The following FOXK2 variants were observed in gnomAD, a reference collection of about 807,000 sequenced individuals.
The protein encoded by FOXK2 is forkhead box K2, also known as forkhead box protein K2.
FOXK2 carries 24 observed loss-of-function variants against 53.3 expected under a neutral mutation model. That is an observed-to-expected ratio of 0.45 (90% CI 0.33 to 0.63). The LOEUF is 0.63. FOXK2 is among the 30% of genes least tolerant of loss of function. The pLI, the probability that FOXK2 is intolerant of heterozygous loss-of-function variation, is 0.03. For synonymous variants in FOXK2, 505 were observed against 407.1 expected (o/e 1.24, Z -2.89); for missense variants, 952 against 910.5 (o/e 1.05, Z -0.59).
intron 7 of FOXK2, among the ~76,000 whole-genome samples, chr17:82,586,554 G>A (rs1225854362): frequency 1.3e-5 from 2 of 151,240 alleles, no homozygotes; most frequent in East Asian, 1.9e-4. Flanking sequence ...TAGGCGGAGG[G>A]GAAAGGAGGA....
chr17:82,586,017 C>T lies in FOXK2; in HGVS notation c.1393C>T (p.Pro465Ser), dbSNP rs1471794219. The T allele has an allele frequency of 4.3e-6, 7 of 1,612,826 alleles. No individual in the cohort carries two copies. The East Asian group carries it at 1.6e-4, about 36-fold the overall frequency. The stretch of plus-strand genomic sequence containing the variant: ...CCCAGTGACCACCTCGACCTCCCAG[C>T]CACCCGTCGTGCAGACGGTTCACGT... ...ATPVTTSTSQ[P>S]PVVQTVHVVH... Residue 465 changes from proline (P) to serine (S), a missense_variant, in exon 7 of 9, where the codon CCA becomes TCA. Physicochemically the swap from Pro to Ser is moderately conservative, Grantham distance 74. Coordinates refer to ENST00000335255, the MANE Select transcript of FOXK2 (RefSeq NM_004514.4).
At position 82,554,738 on chromosome 17, in the gene FOXK2, G is replaced by GTT. The variant is rs78786521; in HGVS notation, c.420-8603_420-8602dup. ...TACAAATCTTGCAGAATCCAGTGAG[G>GTT]TTTTTTTTTTTTTTCTTTTTTTCCA... On this transcript the variant is annotated intron_variant, in intron 1 of 8. Coordinates refer to ENST00000335255, the MANE Select transcript of FOXK2 (RefSeq NM_004514.4). Among the ~76,000 whole-genome samples the GTT allele has an allele frequency of 3.9e-3, 566 of 145,008 alleles. 2 individuals carry two copies. The highest frequency in any genetic ancestry group is 0.028 in the East Asian group (137 of 4,940).
chr17:82,525,985 T>TCTTATGTGGCCTGAATCCCACA (rs2044415171), intron 1 of FOXK2, among the ~76,000 whole-genome samples: 2 of 152,238 alleles, frequency 1.3e-5, no homozygotes, highest in Non-Finnish European at 2.9e-5. Flanking sequence ...TCCCACACTT[T>TCTTATGTGGCCTGAATCCCACA]CTTATGTGGC....
chr17:82,585,980 C>T lies in FOXK2; in HGVS notation c.1356C>T (p.Tyr452=), dbSNP rs2045135300. ...QLPQAIKPVT[Y]TVATPVTTST... is the part of the protein sequence containing the mutation. Reference sequence around the variant, plus strand: ...CACAGGCCATCAAGCCTGTCACCTACACTGTGGCCACCCCAGTGACCACCT... The same window carrying T: ...CACAGGCCATCAAGCCTGTCACCTATACTGTGGCCACCCCAGTGACCACCT... Residue 452 remains tyrosine (Y), a synonymous_variant, in exon 7 of 9, where the codon TAC becomes TAT. Transcript: ENST00000335255. The T allele has an allele frequency of 6.2e-7, 1 of 1,612,834 alleles. No homozygotes were observed. Among genetic ancestry groups the T allele is most frequent in the Non-Finnish European group, 8.5e-7 (1 of 1,179,974 alleles).
At chr17:82,562,808 C>CTT (rs1260657668) in intron 1 of FOXK2, among the ~76,000 whole-genome samples, 2 of 142,094 alleles carry the variant, frequency 1.4e-5, no homozygotes, top group Non-Finnish European at 3.1e-5. Flanking sequence ...TGAGTCTATG[C>CTT]TTTTTTTTTT....
At chr17:82,557,697 A>G (rs2044746205) in intron 1 of FOXK2, among the ~76,000 whole-genome samples, 1 of 151,708 alleles carries the variant, frequency 6.6e-6, no homozygotes, top group African/African-American at 2.4e-5. Flanking sequence ...TGTCCAGGCT[A>G]GAGTGCAGTG....
At position 82,586,012 on chromosome 17, in the gene FOXK2, C is replaced by T; in HGVS notation, c.1388C>T (p.Ser463Phe). 1 of 1,612,832 alleles carries T rather than the reference C, an allele frequency of 6.2e-7. No individual in the cohort carries two copies. The highest frequency in any genetic ancestry group is 8.5e-7 in the Non-Finnish European group (1 of 1,179,986). The change falls in exon 7 of 9, where the codon TCC becomes TTC. Residue 463 changes from serine (S) to phenylalanine (F), a missense_variant. Around this residue, in one of 5 missense-constraint regions of FOXK2, gnomAD observed 551 missense variants for 385.1 expected, o/e 1.43. Transcript: ENST00000335255. ...TVATPVTTST[S>F]QPPVVQTVHV... Reference sequence around the variant, plus strand: ...GCCACCCCAGTGACCACCTCGACCTCCCAGCCACCCGTCGTGCAGACGGTT... The same window carrying T: ...GCCACCCCAGTGACCACCTCGACCTTCCAGCCACCCGTCGTGCAGACGGTT...
At chr17:82,587,781 C>T (rs1036013657) in intron 8 of FOXK2, among the ~76,000 whole-genome samples, 2 of 152,184 alleles carry the variant, frequency 1.3e-5, no homozygotes, top group Non-Finnish European at 2.9e-5. Flanking sequence ...TATCTACCTT[C>T]GCCCTGCCCT....
rs1366959189 is a variant in FOXK2 at position 82,604,235 on chromosome 17, G to A, written c.*2736G>A. ...CCCTGAACCAAACGAGAAAACAAAA[G>A]GGAACTCCCGTATGACCCACGTCAC... On this transcript the variant is annotated 3_prime_UTR_variant, in exon 9 of 9. Coordinates refer to ENST00000335255, the MANE Select transcript of FOXK2 (RefSeq NM_004514.4). The A allele has an allele frequency of 1.3e-5, 2 of 152,234 alleles. No homozygotes were observed. Among genetic ancestry groups the A allele is most frequent in the African/African-American group, 4.8e-5 (2 of 41,388 alleles). The allele number at this position is 152,234 out of a possible 1,614,324, so 9.4% of individuals were successfully genotyped here.
chr17:82,588,031 T>C (rs771929223), intron 8 of FOXK2, among the ~76,000 whole-genome samples: 7 of 152,170 alleles, frequency 4.6e-5, no homozygotes. Flanking sequence ...GAAGGCTTTA[T>C]CACGACGTTT....
At chr17:82,556,708 T>G (rs1354379310) in intron 1 of FOXK2, among the ~76,000 whole-genome samples, 1 of 150,570 alleles carries the variant, frequency 6.6e-6, no homozygotes, top group East Asian at 1.9e-4. Flanking sequence ...TTTTTATTTT[T>G]ATTTTTTTTT....
intron 1 of FOXK2, among the ~76,000 whole-genome samples, chr17:82,529,456 C>G (rs1178806881): frequency 6.7e-6 from 1 of 150,090 alleles, no homozygotes; most frequent in Non-Finnish European, 1.5e-5. Flanking sequence ...GTGGCACGAT[C>G]TTGGCTCACT....
chr17:82,582,084 T>C (rs893141913), intron 4 of FOXK2, among the ~76,000 whole-genome samples: 1 of 152,212 alleles, frequency 6.6e-6, no homozygotes, highest in Non-Finnish European at 1.5e-5. Flanking sequence ...AATTTACTTT[T>C]AATGGCATGA....
At chr17:82,581,175 G>C (rs1026688479) in intron 4 of FOXK2, among the ~76,000 whole-genome samples, 1 of 152,172 alleles carries the variant, frequency 6.6e-6, no homozygotes, top group Non-Finnish European at 1.5e-5. Flanking sequence ...CACTTTAATA[G>C]CTTAATTTTA....
chr17:82,550,796 C>T (rs1013757983), intron 1 of FOXK2, among the ~76,000 whole-genome samples: 1 of 152,120 alleles, frequency 6.6e-6, no homozygotes, highest in Admixed American at 6.5e-5. Context: ...TGGGCCACGG[C>T]GCCGGCCCTG....
intron 4 of FOXK2, among the ~76,000 whole-genome samples, chr17:82,575,700 T>G (rs1430312832): frequency 1.3e-5 from 2 of 152,204 alleles, no homozygotes; most frequent in East Asian, 3.8e-4. Flanking sequence ...TTCTGTTGAT[T>G]GCTACAGCCG....
chr17:82,587,042 T>A (rs1170043940), intron 7 of FOXK2, 21 bp from the exon 8 acceptor site: 2 of 1,609,322 alleles, frequency 1.2e-6, no homozygotes, highest in Non-Finnish European at 8.5e-7. Flanking sequence ...ATTAATGTCG[T>A]TTCTTTTCCT....
chr17:82,533,227 C>T lies in FOXK2; in HGVS notation c.419+12920C>T, dbSNP rs559713866. 2.5e-4 allele frequency among the ~76,000 whole-genome samples: 38 copies of T among 152,290 alleles called. 1 individual carries two copies. The South Asian group carries it at 2.7e-3, about 11-fold the overall frequency. On this transcript the variant is annotated intron_variant, in intron 1 of 8. Transcript: ENST00000335255. ...TAGTGCTGCCGGGCGTGGTGGCTCACGCCTGTAATCCCAGCACTTTGGGAG... is the reference window on the plus strand; with the variant it reads ...TAGTGCTGCCGGGCGTGGTGGCTCATGCCTGTAATCCCAGCACTTTGGGAG...
At chr17:82,587,396 C>T (rs772675598) in intron 8 of FOXK2, 124 bp downstream of exon 8, 17 of 771,586 alleles carry the variant, frequency 2.2e-5, no homozygotes, top group South Asian at 1.5e-4. Context: ...GTTTGCATTT[C>T]GAAGCTGCAG....
Sources: allele counts gnomAD v4.1 joint callset (sites outside exome capture counted in the v4.1 genomes callset), GRCh38; gene constraint gnomAD v4.1.1; regional missense constraint gnomAD v4.1.1; transcripts MANE v1.5; gene names NCBI Gene and HGNC (gene_info 2026-07-23, HGNC 2026-07-21).